Variants in SPOCK3 observed in about 807,000 individuals in gnomAD.
SPOCK3 encodes SPARC (osteonectin), cwcv and kazal like domains proteoglycan 3.
SPOCK3 carries 30 observed loss-of-function variants against 56.6 expected under a neutral mutation model. The ratio of observed to expected loss-of-function variants is 0.53; its 90% CI spans 0.40 to 0.72. The LOEUF is 0.72. SPOCK3 is among the 30% of genes least tolerant of loss of function. The pLI, the probability that SPOCK3 is intolerant of heterozygous loss-of-function variation, is 0.00. For synonymous variants in SPOCK3, 196 were observed against 183.3 expected (o/e 1.07, Z -0.56); for missense variants, 527 against 530.0 (o/e 0.99, Z 0.06).
At chr4:166,830,113 A>G (rs962709801) in intron 6 of SPOCK3, among the ~76,000 whole-genome samples, 1 of 152,110 alleles carries the variant, frequency 6.6e-6, no homozygotes, top group Non-Finnish European at 1.5e-5. Context: ...ATATCTCTCA[A>G]TCACCACCCT....
chr4:167,131,531 A>T (rs1762693481), intron 2 of SPOCK3, among the ~76,000 whole-genome samples: 1 of 152,136 alleles, frequency 6.6e-6, no homozygotes, highest in Admixed American at 6.6e-5. Flanking sequence ...TGAACCTGGG[A>T]GGCGGAGATT....
At chr4:167,161,461 C>T (rs1338387502) in intron 2 of SPOCK3, among the ~76,000 whole-genome samples, 1 of 152,152 alleles carries the variant, frequency 6.6e-6, no homozygotes, top group East Asian at 1.9e-4. Context: ...ACTAGTTCAA[C>T]CATTGTGGAA....
In SPOCK3 at chr4:167,054,248, C is replaced by A. The variant is rs187365987; in HGVS notation, c.235+8244G>T. Reference sequence around the variant, plus strand: ...GAACTTTACTGATGTATCCGTTACACACCAATATCAATTTATGACCACAAA... The same window carrying A: ...GAACTTTACTGATGTATCCGTTACAAACCAATATCAATTTATGACCACAAA... On this transcript the variant is annotated intron_variant, in intron 3 of 10. Coordinates refer to ENST00000357545, the MANE Select transcript of SPOCK3 (RefSeq NM_001040159.2). 7.3e-4 allele frequency among the ~76,000 whole-genome samples: 111 copies of A among 152,294 alleles called. 2 individuals carry two copies. The highest frequency in any genetic ancestry group is 5.0e-4 in the Non-Finnish European group (34 of 68,028).
chr4:166,832,654 C>A (rs1200824403), intron 6 of SPOCK3, among the ~76,000 whole-genome samples: 1 of 152,062 alleles, frequency 6.6e-6, no homozygotes, highest in Non-Finnish European at 1.5e-5. Flanking sequence ...ATGGAATGAA[C>A]CTAGAGATCC....
intron 4 of SPOCK3, among the ~76,000 whole-genome samples, chr4:166,951,466 G>C (rs1228524506): frequency 7.0e-6 from 1 of 142,272 alleles, no homozygotes; most frequent in Non-Finnish European, 1.5e-5. Flanking sequence ...AAAGAGTCCA[G>C]GATCAGATGG....
At chr4:166,838,518 G>T (rs774351126) in intron 6 of SPOCK3, among the ~76,000 whole-genome samples, 13 of 151,342 alleles carry the variant, frequency 8.6e-5, no homozygotes, top group Non-Finnish European at 1.6e-4. Flanking sequence ...TTTAATTCCA[G>T]AATTTCCGTT....
intron 4 of SPOCK3, among the ~76,000 whole-genome samples, chr4:166,958,155 C>T (rs983506813): frequency 3.9e-5 from 6 of 152,146 alleles, no homozygotes; most frequent in African/African-American, 1.2e-4. Flanking sequence ...CACCATCCGC[C>T]TTGATGCTGT....
At chr4:167,124,092 A>G (rs559551199) in intron 2 of SPOCK3, among the ~76,000 whole-genome samples, 19 of 152,178 alleles carry the variant, frequency 1.2e-4, no homozygotes, top group Non-Finnish European at 2.1e-4. Flanking sequence ...AGAATTCTGG[A>G]TACCACCCCC....
intron 2 of SPOCK3, among the ~76,000 whole-genome samples, chr4:167,141,127 T>C (rs958122606): frequency 9.9e-5 from 15 of 152,082 alleles, no homozygotes; most frequent in African/African-American, 3.6e-4. Flanking sequence ...TGATAAGTCC[T>C]GATCAGCTAA....
In SPOCK3 at chr4:166,842,687, C is replaced by A. The variant is rs934311229; in HGVS notation, c.589+46443G>T. Among the ~76,000 whole-genome samples the A allele has an allele frequency of 5.9e-5, 9 of 152,220 alleles. 1 individual carries two copies. The highest frequency in any genetic ancestry group is 5.9e-4 in the Admixed American group (9 of 15,290). ...ACATCCACCAACCCTGAGCTAAACA[C>A]AGAGTGCTGATTGGTGCATATACAA... is the stretch of plus-strand genomic sequence containing the variant. On this transcript the variant is annotated intron_variant, in intron 6 of 10. Coordinates refer to ENST00000357545, the MANE Select transcript of SPOCK3 (RefSeq NM_001040159.2).
chr4:166,813,339 T>C (rs1744038368), intron 6 of SPOCK3, among the ~76,000 whole-genome samples: 1 of 151,858 alleles, frequency 6.6e-6, no homozygotes, highest in Admixed American at 6.6e-5. Flanking sequence ...GATTCAAATC[T>C]GAAGTTAGAA....
At chr4:167,163,057 A>G (rs1765454650) in intron 2 of SPOCK3, among the ~76,000 whole-genome samples, 1 of 151,042 alleles carries the variant, frequency 6.6e-6, no homozygotes, top group South Asian at 2.1e-4. Context: ...TTTGAATTAT[A>G]TTAAAGTGTT....
chr4:166,902,278 A>G (rs767704643), intron 5 of SPOCK3, among the ~76,000 whole-genome samples: 18 of 151,900 alleles, frequency 1.2e-4, no homozygotes, highest in Non-Finnish European at 2.4e-4. Context: ...TTTTGTCTGG[A>G]TGGACTTTAC....
chr4:166,818,810 A>C (rs1236525461), intron 6 of SPOCK3, among the ~76,000 whole-genome samples: 3 of 152,032 alleles, frequency 2.0e-5, no homozygotes, highest in Admixed American at 6.6e-5. Flanking sequence ...AAGACTCTTA[A>C]AATGCTTTTC....
chr4:167,091,992 G>A (rs1758742312), intron 2 of SPOCK3, among the ~76,000 whole-genome samples: 1 of 152,142 alleles, frequency 6.6e-6, no homozygotes, highest in Non-Finnish European at 1.5e-5. Context: ...TCCACCAGGG[G>A]TTGGCTGGCA....
At chr4:166,950,235 A>T (rs1487647359) in intron 4 of SPOCK3, among the ~76,000 whole-genome samples, 1 of 151,914 alleles carries the variant, frequency 6.6e-6, no homozygotes, top group Non-Finnish European at 1.5e-5. Flanking sequence ...AAAAGAATGC[A>T]GGAAGATCTA....
At chr4:166,802,513 T>C (rs1437915955) in intron 6 of SPOCK3, among the ~76,000 whole-genome samples, 2 of 152,180 alleles carry the variant, frequency 1.3e-5, no homozygotes, top group Non-Finnish European at 2.9e-5. Flanking sequence ...TTTTTTATTG[T>C]TATGTTTTCA....
At chr4:166,876,122 C>T (rs1452266714) in intron 6 of SPOCK3, among the ~76,000 whole-genome samples, 2 of 152,090 alleles carry the variant, frequency 1.3e-5, no homozygotes, top group South Asian at 2.1e-4. Flanking sequence ...TTTACTACCG[C>T]GAGAATTAAA....
chr4:166,827,814 T>TTA (rs1342167682), intron 6 of SPOCK3, among the ~76,000 whole-genome samples: 3 of 144,562 alleles, frequency 2.1e-5, no homozygotes, highest in African/African-American at 7.7e-5. Context: ...ATAATGGTCC[T>TTA]TATACATACC....
Sources: gnomAD v4.1 joint callset for allele counts (sites outside exome capture counted in the v4.1 genomes callset) on GRCh38, gnomAD v4.1.1 for gene constraint, MANE v1.5 for transcripts, NCBI Gene and HGNC (gene_info 2026-07-23, HGNC 2026-07-21) for gene names.